The following MYRF variants were observed in gnomAD, a reference collection of about 807,000 sequenced individuals.
MYRF encodes myelin gene regulatory factor.
In MYRF, 16 loss-of-function variants were observed where a neutral mutation model predicts 126.3. That is an observed-to-expected ratio of 0.13 (90% confidence interval 0.09 to 0.19). The LOEUF (loss-of-function observed/expected upper bound fraction) is 0.19, where lower values mean the gene tolerates loss of function less well. MYRF is among the 10% of genes least tolerant of loss of function. The pLI is 1.00. For missense variants in MYRF, 1,104 were observed against 1,547.0 expected, an observed-to-expected ratio of 0.71 and a Z score of 4.80; for synonymous variants, 608 against 635.3, an observed-to-expected ratio of 0.96 and a Z score of 0.65.
At chr11:61,758,094 G>C (rs951125384) in intron 1 of MYRF, among the ~76,000 whole-genome samples, 2 of 16,528 alleles carry the variant, frequency 1.2e-4, no homozygotes, top group Non-Finnish European at 2.4e-4. Context: ...CTGGAGTGAG[G>C]GGGGGAGGGG....
At chr11:61,775,972 G>A (rs926019249) in intron 8 of MYRF, 84 bp from the exon 9 acceptor site, 16 of 1,337,344 alleles carry the variant, frequency 1.2e-5, no homozygotes, top group Non-Finnish European at 2.1e-6. Context: ...CTCTAGTTGG[G>A]CCAGGCCTGG....
In MYRF at chr11:61,784,090, A is replaced by C. The variant is rs2066626049; in HGVS notation, c.3194+165A>C. On this transcript the variant is annotated intron_variant, in intron 24 of 26. Coordinates refer to ENST00000278836, the MANE Select transcript of MYRF (RefSeq NM_001127392.3). ...GCCTACTTCGTGGTTAACTGGCTAAATGACCTGGCCTCATGGGCTGAGGAC... is the reference window on the plus strand; with the variant it reads ...GCCTACTTCGTGGTTAACTGGCTAACTGACCTGGCCTCATGGGCTGAGGAC... 1.5e-5 allele frequency: 15 copies of C among 1,010,466 alleles called. No homozygotes were observed. In the South Asian group the frequency reaches 2.3e-4, roughly 15 times the overall value. 62.6% of individuals were successfully genotyped at this position (1,010,466 alleles called of 1,614,324 possible).
In MYRF at chr11:61,781,140, A is replaced by G; in HGVS notation, c.2575A>G (p.Thr859Ala). ...PGIQPSLLLV[T>A]TSLTSSAPGS... is the part of the protein sequence containing the mutation. The stretch of plus-strand genomic sequence containing the variant: ...CATACAGCCTCTGGCCTCCTCAGTG[A>G]CCACCAGCCTCACCAGCTCGGCCCC... The change falls in exon 21 of 27, where the codon ACC (threonine) becomes GCC (alanine). Residue 859 changes from threonine (T) to alanine (A), a missense_variant and splice_region_variant. Thr to Ala is a moderately conservative substitution (Grantham distance 58, BLOSUM62 0). This residue lies in a region of MYRF where 323 missense variants were observed against 383.1 expected (regional missense o/e 0.84). Transcript: ENST00000278836. 1.2e-6 allele frequency: 2 copies of G among 1,613,158 alleles called. No homozygotes were observed. The highest frequency in any genetic ancestry group is 1.7e-6 in the Non-Finnish European group (2 of 1,179,936).
rs370358150 is a variant in MYRF, at chr11:61,756,359, A to C, written c.46+3569A>C. On this transcript the variant is annotated intron_variant, in intron 1 of 26. Transcript: ENST00000278836. ...ATCTCTGCCTCCAGAGGGCAGGAGG[A>C]GGTCCCAGGTAGAGACTACCTGATG... Among the ~76,000 whole-genome samples the C allele has an allele frequency of 3.9e-5, 6 of 152,124 alleles. No individual in the cohort carries two copies. The East Asian group carries it at 1.2e-3, about 30-fold the overall frequency.
chr11:61,779,753 TA>T, intron 16 of MYRF, 88 bp from the exon 17 acceptor site: 1 of 1,338,662 alleles, frequency 7.5e-7, no homozygotes, highest in Non-Finnish European at 1.0e-6. Context: ...GGCACCCCCT[TA>T]ACCGCTCCTC....
At position 61,757,160 on chromosome 11, in the gene MYRF, TG is replaced by T. The variant is rs1306645381; in HGVS notation, c.46+4374del. On this transcript the variant is annotated intron_variant, in intron 1 of 26. Coordinates refer to ENST00000278836, the MANE Select transcript of MYRF (RefSeq NM_001127392.3). The surrounding 1 kb of genome is among the most constrained non-coding windows in gnomAD (Gnocchi z 4.7). ...TCATTGCCTTGGGTGCTGGAGTATG[TG>T]GGGCCTCCTCTCCTATCTCCAGGCC... The T allele has an allele frequency of 6.6e-6, 3 of 456,906 alleles. No homozygotes were observed. In the Admixed American group the frequency reaches 7.0e-5, roughly 11 times the overall value. The allele number at this position is 456,906 out of a possible 1,614,324, so 28.3% of individuals were successfully genotyped here. A position where few individuals can be genotyped will look rare whatever the true frequency, so the allele number is the denominator to read the frequency against.
chr11:61,784,036 T>C, intron 24 of MYRF, 111 bp downstream of exon 24: 4 of 1,311,966 alleles, frequency 3.0e-6, no homozygotes, highest in South Asian at 1.3e-5. Context: ...TGGTATTTCC[T>C]GCATGGTGGG....
chr11:61,758,257 C>T (rs1003964044), intron 1 of MYRF, among the ~76,000 whole-genome samples: 132 of 152,286 alleles, frequency 8.7e-4, no homozygotes, highest in African/African-American at 2.8e-3. Flanking sequence ...GTGCAGCCAC[C>T]GGAGTGCACA....
chr11:61,774,543 AAAAG>A (rs1350295186), intron 8 of MYRF, among the ~76,000 whole-genome samples: 2 of 151,246 alleles, frequency 1.3e-5, no homozygotes, highest in African/African-American at 4.9e-5. Context: ...AGAAAAAAAA[AAAAG>A]CAAGCATCTG....
At position 61,783,552 on chromosome 11, in the gene MYRF, A is replaced by G. The variant is rs778678134; in HGVS notation, c.3071A>G (p.Asn1024Ser). Reference sequence around the variant, plus strand: ...CTGACCTCCATCCAGGTGCTGGAGAATTCGATGTCCATCACCTCCCAGTAC... The same window carrying G: ...CTGACCTCCATCCAGGTGCTGGAGAGTTCGATGTCCATCACCTCCCAGTAC... ...PSLTSIQVLE[N>S]SMSITSQYCA... Residue 1024 changes from asparagine to serine, a missense_variant, in exon 23 of 27, where the codon AAT becomes AGT. Asn to Ser is a conservative substitution (Grantham distance 46, BLOSUM62 1). Transcript: ENST00000278836. This position sits in a 1 kb window ranked among gnomAD's most constrained non-coding sequence, Gnocchi z 4.6. The G allele has an allele frequency of 6.2e-7, 1 of 1,613,760 alleles. No homozygotes were observed. The highest frequency in any genetic ancestry group is 2.2e-5 in the East Asian group (1 of 44,860).
Position 61,777,667 on chromosome 11 carries a change from C to G in MYRF, c.1792-67C>G. ...CTGCAGCCTCCAGGCTGCCGCCCTC[C>G]TGGGCTCCGGGGCCTGCTCCGGGAC... On this transcript the variant is annotated intron_variant, in intron 12 of 26. Transcript: ENST00000278836. The surrounding 1 kb of genome is among the most constrained non-coding windows in gnomAD (Gnocchi z 8.8). The G allele has an allele frequency of 6.7e-7, 1 of 1,481,736 alleles. No homozygotes were observed. The highest frequency in any genetic ancestry group is 9.2e-7 in the Non-Finnish European group (1 of 1,089,440). 91.8% of individuals were successfully genotyped at this position (1,481,736 alleles called of 1,614,324 possible).
intron 25 of MYRF, 150 bp from the exon 26 acceptor site, chr11:61,785,650 G>C: frequency 1.5e-6 from 1 of 669,098 alleles, no homozygotes; most frequent in Non-Finnish European, 2.7e-6. Context: ...TGCCAAAGCA[G>C]AACATGCTCC....
Position 61,777,632 on chromosome 11 carries a change from C to T in MYRF, c.1792-102C>T. 1 of 1,324,120 alleles carries T rather than the reference C, an allele frequency of 7.6e-7. No homozygotes were observed. The highest frequency in any genetic ancestry group is 1.3e-5 in the South Asian group (1 of 74,306). The allele number at this position is 1,324,120 out of a possible 1,614,324, so 82.0% of individuals were successfully genotyped here. Reference sequence around the variant, plus strand: ...TCTAACCACTCCAGTGGTGGGGTCTCCTCTCCACACTGCAGCCTCCAGGCT... The same window carrying T: ...TCTAACCACTCCAGTGGTGGGGTCTTCTCTCCACACTGCAGCCTCCAGGCT... On this transcript the variant is annotated intron_variant, in intron 12 of 26. Transcript: ENST00000278836. The surrounding 1 kb of genome is among the most constrained non-coding windows in gnomAD (Gnocchi z 8.8).
At position 61,774,175 on chromosome 11, in the gene MYRF, C is replaced by T. The variant is rs1339450011; in HGVS notation, c.1311+13C>T. On this transcript the variant is annotated intron_variant, in intron 8 of 26. Coordinates refer to ENST00000278836, the MANE Select transcript of MYRF (RefSeq NM_001127392.3). ...GCACGGAGTGAAGGCAAGTTTGGGGCTCAGCAAGGAAGGGAGGGCAGGAGG... is the reference window on the plus strand; with the variant it reads ...GCACGGAGTGAAGGCAAGTTTGGGGTTCAGCAAGGAAGGGAGGGCAGGAGG... 7.6e-6 allele frequency: 12 copies of T among 1,588,532 alleles called. No individual in the cohort carries two copies. The highest frequency in any genetic ancestry group is 1.0e-5 in the Non-Finnish European group (12 of 1,162,456).
In MYRF at chr11:61,778,254, TTGGAATC is replaced by T; in HGVS notation, c.1904-125_1904-119del. 1.4e-6 allele frequency: 1 copy of T among 713,664 alleles called. No individual in the cohort carries two copies. The highest frequency in any genetic ancestry group is 2.5e-6 in the Non-Finnish European group (1 of 395,796). 44.2% of individuals were successfully genotyped at this position (713,664 alleles called of 1,614,324 possible). A position where few individuals can be genotyped will look rare whatever the true frequency, so the allele number is the denominator to read the frequency against. On this transcript the variant is annotated intron_variant, in intron 13 of 26. Transcript: ENST00000278836. This position sits in a 1 kb window ranked among gnomAD's most constrained non-coding sequence, Gnocchi z 4.6. Reference sequence around the variant, plus strand: ...TGGGATCTCCCTGCTCCAGGGCTCCTTGGAATCCAAATCTCTGGGTTCCAGAACTTCA... The same window carrying T: ...TGGGATCTCCCTGCTCCAGGGCTCCTCAAATCTCTGGGTTCCAGAACTTCA...
At position 61,786,439 on chromosome 11, in the gene MYRF, C is replaced by A; in HGVS notation, c.*296C>A. ...CTTTCCAGATATGGTGGTTGGAGGG[C>A]TGGTTCAGGTGCCCTGGAGGGAAGG... is the stretch of plus-strand genomic sequence containing the variant. On this transcript the variant is annotated 3_prime_UTR_variant, in exon 27 of 27. Coordinates refer to ENST00000278836, the MANE Select transcript of MYRF (RefSeq NM_001127392.3). This position sits in a 1 kb window ranked among gnomAD's most constrained non-coding sequence, Gnocchi z 4.5. The A allele has an allele frequency of 2.3e-6, 1 of 441,718 alleles. No individual in the cohort carries two copies. The highest frequency in any genetic ancestry group is 4.2e-6 in the Non-Finnish European group (1 of 240,248). The allele number at this position is 441,718 out of a possible 1,614,324, so 27.4% of individuals were successfully genotyped here. A position where few individuals can be genotyped will look rare whatever the true frequency, so the allele number is the denominator to read the frequency against.
intron 1 of MYRF, among the ~76,000 whole-genome samples, chr11:61,758,349 T>TGC (rs2065815698): frequency 6.6e-6 from 1 of 152,184 alleles, no homozygotes; most frequent in African/African-American, 2.4e-5. Context: ...CTTCTCCCTC[T>TGC]ATGGCTGGGG....
intron 7 of MYRF, among the ~76,000 whole-genome samples, chr11:61,773,353 G>C (rs886239636): frequency 6.6e-6 from 1 of 152,170 alleles, no homozygotes; most frequent in Admixed American, 6.5e-5. Flanking sequence ...ACTAAACCCA[G>C]CAACAGATGG....
rs537693618 is a variant in MYRF, at chr11:61,764,661, G to A, written c.47-964G>A. Among the ~76,000 whole-genome samples the A allele has an allele frequency of 4.6e-5, 7 of 152,294 alleles. No homozygotes were observed. In the South Asian group the frequency reaches 6.2e-4, roughly 14 times the overall value. On this transcript the variant is annotated intron_variant, in intron 1 of 26. Coordinates refer to ENST00000278836, the MANE Select transcript of MYRF (RefSeq NM_001127392.3). ...TTATCGGGGTTGACGCATCTCCCACGTCAGCCCCCTTATCACCCCGCCCTC... is the reference window on the plus strand; with the variant it reads ...TTATCGGGGTTGACGCATCTCCCACATCAGCCCCCTTATCACCCCGCCCTC...
Sources: allele counts gnomAD v4.1 joint callset (sites outside exome capture counted in the v4.1 genomes callset), GRCh38; gene constraint gnomAD v4.1.1; regional missense constraint gnomAD v4.1.1; non-coding constraint Gnocchi (gnomAD v3.1); transcripts MANE v1.5; gene names NCBI Gene and HGNC (gene_info 2026-07-23, HGNC 2026-07-21).